The following VPS54 variants were observed in gnomAD, a reference collection of about 807,000 sequenced individuals.
The protein encoded by VPS54 is VPS54 subunit of GARP complex, also known as vacuolar protein sorting-associated protein 54.
A neutral mutation model predicts 121.5 loss-of-function variants in VPS54; 45 were observed. The observed-to-expected ratio is 0.37, with a 90% CI of 0.29 to 0.47. The LOEUF (loss-of-function observed/expected upper bound fraction) is 0.47. Ranked by LOEUF, VPS54 falls within the 20% of genes least tolerant of loss-of-function variation. VPS54 has a pLI of 0.99. For missense variants in VPS54, 1,090 were observed against 1,131.4 expected, an observed-to-expected ratio of 0.96 and a Z score of 0.52; for synonymous variants, 371 against 385.8, an observed-to-expected ratio of 0.96 and a Z score of 0.45.
intron 17 of VPS54, chr2:63,913,689 G>T (rs944189879): frequency 6.5e-5 from 20 of 305,572 alleles, no homozygotes; most frequent in African/African-American, 4.1e-4. Context: ...CAGATTAGAG[G>T]TTTGAAAAAA....
At chr2:64,010,989 T>C (rs565951077) in intron 1 of VPS54, among the ~76,000 whole-genome samples, 2 of 152,320 alleles carry the variant, frequency 1.3e-5, no homozygotes, top group African/African-American at 4.8e-5. Flanking sequence ...TCTGAATGCA[T>C]GCGCTTCCTA....
chr2:63,968,921 T>G, intron 5 of VPS54, 36 bp downstream of exon 5: 1 of 1,571,054 alleles, frequency 6.4e-7, no homozygotes, highest in Non-Finnish European at 8.6e-7. Flanking sequence ...AGATCAAATA[T>G]TATAAGGCAA....
intron 11 of VPS54, among the ~76,000 whole-genome samples, chr2:63,941,788 C>A (rs917933323): frequency 1.3e-5 from 2 of 152,020 alleles, no homozygotes; most frequent in African/African-American, 4.8e-5. Context: ...TATCTCAGCA[C>A]TTTGGGAGGC....
At chr2:63,976,338 G>A (rs375318365) in intron 3 of VPS54, among the ~76,000 whole-genome samples, 114 of 142,874 alleles carry the variant, frequency 8.0e-4, no homozygotes, top group African/African-American at 2.4e-3. Flanking sequence ...GCAACAGAGC[G>A]TGACCTTGTC....
chr2:63,968,994 A>T lies in VPS54; in HGVS notation c.458-3T>A, dbSNP rs779284012. On this transcript the variant is annotated splice_region_variant and splice_polypyrimidine_tract_variant and intron_variant, in intron 4 of 22. Transcript: ENST00000272322. ...CTCCAGATCTGTCCTGGATTTATCTATTTAAAAAAGAAGGGAAATATTATT... is the reference window on the plus strand; with the variant it reads ...CTCCAGATCTGTCCTGGATTTATCTTTTTAAAAAAGAAGGGAAATATTATT... 1 of 1,597,104 alleles carries T rather than the reference A, an allele frequency of 6.3e-7. No individual in the cohort carries two copies. The highest frequency in any genetic ancestry group is 8.5e-7 in the Non-Finnish European group (1 of 1,172,208).
At chr2:63,923,728 A>T (rs1673756610) in intron 12 of VPS54, among the ~76,000 whole-genome samples, 1 of 152,238 alleles carries the variant, frequency 6.6e-6, no homozygotes, top group Non-Finnish European at 1.5e-5. Flanking sequence ...TTTCCTGCCT[A>T]GAAAAGTATT....
In VPS54 at chr2:63,912,584, G is replaced by C. The variant is rs371196195; in HGVS notation, c.2500C>G (p.Pro834Ala). 1.3e-6 allele frequency: 2 copies of C among 1,599,136 alleles called. No homozygotes were observed. Among genetic ancestry groups the C allele is most frequent in the Admixed American group, 1.8e-5 (1 of 54,478 alleles). ...TGCCTAAGCATGCTATATTGCTTAG[G>C]TGGTAGTCGAGCTTCAAAATGAGCC... The part of the protein sequence containing the change: ...IRAHFEARLP[P>A]KQYSMLRHFD... Residue 834 changes from proline (P) to alanine (A), a missense_variant, in exon 19 of 23, where the codon CCT (proline) becomes GCT (alanine). Pro to Ala is a conservative substitution (Grantham distance 27). Coordinates refer to ENST00000272322, the MANE Select transcript of VPS54 (RefSeq NM_016516.3).
chr2:63,949,056 T>A lies in VPS54; in HGVS notation c.1118A>T (p.Asp373Val). 6.2e-7 allele frequency: 1 copy of A among 1,611,336 alleles called. No homozygotes were observed. Among genetic ancestry groups the A allele is most frequent in the Non-Finnish European group, 8.5e-7 (1 of 1,179,056 alleles). The change falls in exon 8 of 23, where the codon GAC (aspartate) becomes GTC (valine). Residue 373 changes from aspartate (D) to valine (V), a missense_variant. Physicochemically the swap from Asp to Val is radical, Grantham distance 152. Around this residue, in one of 2 missense-constraint regions of VPS54, gnomAD observed 801 missense variants for 757.0 expected, o/e 1.06. Transcript: ENST00000272322. ...HSDLNRPLED[D>V]CQVLEEERLI... ...ACATACCTCTTCTAAAACTTGACAGTCATCTTCCAGTGGTCTATTTAAGTC... is the reference window on the plus strand; with the variant it reads ...ACATACCTCTTCTAAAACTTGACAGACATCTTCCAGTGGTCTATTTAAGTC...
chr2:63,991,424 G>A (rs1484833767), intron 1 of VPS54, among the ~76,000 whole-genome samples: 1 of 152,140 alleles, frequency 6.6e-6, no homozygotes, highest in Non-Finnish European at 1.5e-5. Context: ...TAAAGCTTGT[G>A]AAGGCATTGG....
chr2:63,922,907 T>C (rs1259929685), intron 12 of VPS54, among the ~76,000 whole-genome samples: 3 of 144,796 alleles, frequency 2.1e-5, no homozygotes, highest in South Asian at 2.2e-4. Context: ...AAACAGAAAA[T>C]AGCAAATAAA....
At chr2:63,937,974 G>C (rs1674527371) in intron 11 of VPS54, among the ~76,000 whole-genome samples, 1 of 151,908 alleles carries the variant, frequency 6.6e-6, no homozygotes, top group African/African-American at 2.4e-5. Flanking sequence ...AGTGCTCTAT[G>C]AGTCAAACTC....
At chr2:63,922,117 A>G (rs1488121226) in intron 12 of VPS54, among the ~76,000 whole-genome samples, 2 of 152,266 alleles carry the variant, frequency 1.3e-5, no homozygotes, top group African/African-American at 4.8e-5. Context: ...GAGGGAATAT[A>G]ATAGGTTGCT....
intron 12 of VPS54, among the ~76,000 whole-genome samples, chr2:63,933,402 C>G (rs1559002045): frequency 6.6e-6 from 1 of 152,252 alleles, no homozygotes; most frequent in East Asian, 1.9e-4. Flanking sequence ...CTCTGGGCAT[C>G]AATTACCTTA....
intron 22 of VPS54, among the ~76,000 whole-genome samples, chr2:63,897,192 G>A (rs886904448): frequency 1.6e-4 from 24 of 152,066 alleles, no homozygotes; most frequent in African/African-American, 4.8e-4. Flanking sequence ...TCACACAGTA[G>A]GACTTCTGAA....
intron 7 of VPS54, among the ~76,000 whole-genome samples, chr2:63,958,130 C>T (rs1393954679): frequency 6.6e-6 from 1 of 152,072 alleles, no homozygotes; most frequent in Admixed American, 6.5e-5. Flanking sequence ...TACAACATAG[C>T]TCTTGTCCAA....
intron 12 of VPS54, among the ~76,000 whole-genome samples, chr2:63,930,139 G>C (rs529098252): frequency 6.6e-6 from 1 of 152,214 alleles, no homozygotes; most frequent in Admixed American, 6.5e-5. Flanking sequence ...TAGAAAAAGA[G>C]GGAATCCACC....
chr2:63,919,819 G>A, intron 15 of VPS54, 64 bp downstream of exon 15: 2 of 1,190,328 alleles, frequency 1.7e-6, no homozygotes, highest in South Asian at 3.5e-5. Context: ...GAAATATTAA[G>A]CATTAATACA....
rs568990942 is a variant in VPS54, at chr2:63,900,508, G to A, written c.2626-927C>T. On this transcript the variant is annotated intron_variant, in intron 20 of 22. Transcript: ENST00000272322. ...ATTCACACAGCTGAAGTTATATACC[G>A]TTTTATTTATAAGACAAATTTGGGC... is the stretch of plus-strand genomic sequence containing the variant. 2.4e-4 allele frequency among the ~76,000 whole-genome samples: 36 copies of A among 152,162 alleles called. 1 individual carries two copies. The highest frequency in any genetic ancestry group is 1.8e-3 in the Admixed American group (27 of 15,276).
chr2:63,935,723 G>GA (rs748503701), intron 11 of VPS54, among the ~76,000 whole-genome samples: 18 of 152,204 alleles, frequency 1.2e-4, no homozygotes, highest in East Asian at 3.9e-4. Flanking sequence ...GAGATGAGAA[G>GA]AAAATCCAGA....
Sources: allele counts gnomAD v4.1 joint callset (sites outside exome capture counted in the v4.1 genomes callset), GRCh38; gene constraint gnomAD v4.1.1; regional missense constraint gnomAD v4.1.1; transcripts MANE v1.5; gene names NCBI Gene and HGNC (gene_info 2026-07-23, HGNC 2026-07-21).